PCSK5: variants seen among roughly 807,000 people sequenced by gnomAD.
The protein encoded by PCSK5 is prohormone convertase 5.
PCSK5 carries 129 observed loss-of-function variants against 233.2 expected under a neutral mutation model. The ratio of observed to expected loss-of-function variants is 0.55; its 90% CI spans 0.48 to 0.64. The LOEUF (loss-of-function observed/expected upper bound fraction) is 0.64, where lower values mean the gene tolerates loss of function less well. Ranked by LOEUF, PCSK5 falls within the 30% of genes least tolerant of loss-of-function variation. The pLI is 0.00. For missense variants in PCSK5, 2,076 were observed against 2,430.1 expected (o/e 0.85, Z 3.06); for synonymous variants, 825 against 879.2 (o/e 0.94, Z 1.09).
At chr9:76,024,192 A>G (rs1406798177) in intron 4 of PCSK5, among the ~76,000 whole-genome samples, 2 of 152,208 alleles carry the variant, frequency 1.3e-5, no homozygotes, top group African/African-American at 4.8e-5. Context: ...CCAGCCAGGC[A>G]GTACTCTTTG....
chr9:76,077,775 G>A (rs185185331), intron 7 of PCSK5, among the ~76,000 whole-genome samples: 1 of 152,288 alleles, frequency 6.6e-6, no homozygotes, highest in African/African-American at 2.4e-5. Context: ...CATGGTGTAT[G>A]TGTACCACAT....
chr9:76,223,721 G>A (rs1825799393), intron 20 of PCSK5, among the ~76,000 whole-genome samples: 1 of 152,180 alleles, frequency 6.6e-6, no homozygotes, highest in African/African-American at 2.4e-5. Context: ...TGTAGGATGA[G>A]GTGGAAAACA....
At chr9:76,093,474 T>A (rs1281161990) in intron 7 of PCSK5, among the ~76,000 whole-genome samples, 1 of 152,096 alleles carries the variant, frequency 6.6e-6, no homozygotes, top group Non-Finnish European at 1.5e-5. Flanking sequence ...CAAAAATGCT[T>A]CCTAAATATT....
chr9:76,295,221 G>T, intron 25 of PCSK5, 54 bp from the exon 26 acceptor site: 1 of 1,500,272 alleles, frequency 6.7e-7, no homozygotes. Flanking sequence ...AAATTATGGT[G>T]AAGAGAAATA....
intron 11 of PCSK5, 96 bp from the exon 12 acceptor site, chr9:76,158,887 T>G (rs1207363418): frequency 3.7e-5 from 37 of 1,006,500 alleles, no homozygotes; most frequent in Non-Finnish European, 5.6e-5. Flanking sequence ...TATCAGCTGC[T>G]TATCTTACAT....
intron 5 of PCSK5, among the ~76,000 whole-genome samples, chr9:76,050,954 G>A (rs567639569): frequency 6.6e-6 from 1 of 152,208 alleles, no homozygotes; most frequent in Non-Finnish European, 1.5e-5. Context: ...TGGTGGAGGG[G>A]GATATGACAG....
chr9:75,932,605 C>T (rs1203589684), intron 2 of PCSK5, 122 bp downstream of exon 2: 2 of 670,426 alleles, frequency 3.0e-6, no homozygotes, highest in African/African-American at 1.8e-5. Flanking sequence ...TCATATTATC[C>T]TTTGGTCTAG....
chr9:76,146,927 A>G (rs1381350672), intron 10 of PCSK5, among the ~76,000 whole-genome samples: 1 of 152,332 alleles, frequency 6.6e-6, no homozygotes, highest in Admixed American at 6.5e-5. Flanking sequence ...GCTACTGTGT[A>G]ATAAAATACA....
rs59248860 is a variant in PCSK5, at chr9:76,173,496, C to CTTTTTTTTTTTTTTTTTTT, written c.1757-1472_1757-1454dup. ...CTTTAATGAAATGGAGGCACGTTTC[C>CTTTTTTTTTTTTTTTTTTT]TTTTTTTTTTTTTTTTTTTTTTTTT... On this transcript the variant is annotated intron_variant, in intron 13 of 37. Coordinates refer to ENST00000674117, the MANE Select transcript of PCSK5 (RefSeq NM_001372043.1). 2.0e-3 allele frequency among the ~76,000 whole-genome samples: 124 copies of CTTTTTTTTTTTTTTTTTTT among 60,986 alleles called. 22 individuals are homozygous for CTTTTTTTTTTTTTTTTTTT. Among genetic ancestry groups the CTTTTTTTTTTTTTTTTTTT allele is most frequent in the Non-Finnish European group, 2.8e-3 (84 of 30,120 alleles). The allele number at this position is 60,986 out of a possible 152,430, so 40.0% of individuals were successfully genotyped here.
At position 76,240,652 on chromosome 9, in the gene PCSK5, C is replaced by A. The variant is rs774651462; in HGVS notation, c.3110C>A (p.Pro1037His). Residue 1037 changes from proline (P) to histidine (H), a missense_variant, in exon 24 of 38, where the codon CCT (proline) becomes CAT (histidine). Pro to His is a moderately conservative substitution (Grantham distance 77, BLOSUM62 -2). Transcript: ENST00000674117. ...GACCCAGACTATGAAGAATGTGTCCCTTGTGAAGAAGGATGTCTGGGATGC... is the reference window on the plus strand; with the variant it reads ...GACCCAGACTATGAAGAATGTGTCCATTGTGAAGAAGGATGTCTGGGATGC... ...VQDPDYEECV[P>H]CEEGCLGCSL... 2 of 1,582,210 alleles carry A rather than the reference C, an allele frequency of 1.3e-6. No homozygotes were observed. The highest frequency in any genetic ancestry group is 2.3e-5 in the East Asian group (1 of 44,076).
At position 76,096,190 on chromosome 9, in the gene PCSK5, T is replaced by TATATAC. The variant is rs368915212; in HGVS notation, c.1107+89_1107+90insTATACA. ...GGAGAACCATAAACATATATATATA[T>TATATAC]ACACACACACACACACACACACACA... On this transcript the variant is annotated intron_variant, in intron 8 of 37. Transcript: ENST00000674117. 6.8e-6 allele frequency: 4 copies of TATATAC among 591,572 alleles called. No individual in the cohort carries two copies. In the East Asian group the frequency reaches 1.2e-4, roughly 17 times the overall value. The allele number at this position is 591,572 out of a possible 1,614,324, so 36.6% of individuals were successfully genotyped here. A position where few individuals can be genotyped will look rare whatever the true frequency, so the allele number is the denominator to read the frequency against.
chr9:76,326,729 G>A (rs964614704), intron 32 of PCSK5, among the ~76,000 whole-genome samples: 4 of 152,180 alleles, frequency 2.6e-5, no homozygotes, highest in Non-Finnish European at 5.9e-5. Context: ...TTCAGGTCTG[G>A]GGAACAGCAG....
At position 76,332,902 on chromosome 9, in the gene PCSK5, C is replaced by T. The variant is rs530336303; in HGVS notation, c.4748+292C>T. On this transcript the variant is annotated intron_variant, in intron 34 of 37. Transcript: ENST00000674117. ...AATTCAAAGCATATTGGCAGCTGGGCACTGTGGCTCATGCCTGTAATCCCA... is the reference window on the plus strand; with the variant it reads ...AATTCAAAGCATATTGGCAGCTGGGTACTGTGGCTCATGCCTGTAATCCCA... Among the ~76,000 whole-genome samples, 33 of 152,342 alleles carry T rather than the reference C, an allele frequency of 2.2e-4. No individual in the cohort carries two copies. In the Middle Eastern group the frequency reaches 0.014, roughly 63 times the overall value.
chr9:75,986,559 C>G (rs951126806), intron 3 of PCSK5, among the ~76,000 whole-genome samples: 16 of 152,192 alleles, frequency 1.1e-4, no homozygotes, highest in African/African-American at 3.9e-4. Flanking sequence ...TGCACATACC[C>G]TTAGACCTAT....
chr9:76,300,749 G>T (rs201253953), intron 27 of PCSK5, among the ~76,000 whole-genome samples: 10 of 152,172 alleles, frequency 6.6e-5, no homozygotes, highest in Non-Finnish European at 1.5e-5. Flanking sequence ...GTGACCTTCA[G>T]TGAGTTACTC....
chr9:76,146,408 T>C (rs112513870), intron 10 of PCSK5, among the ~76,000 whole-genome samples: 2 of 152,054 alleles, frequency 1.3e-5, no homozygotes, highest in Non-Finnish European at 2.9e-5. Context: ...AAATCCCTGA[T>C]AGAAATGACT....
At chr9:76,004,937 G>GTGTC (rs1315066114) in intron 3 of PCSK5, among the ~76,000 whole-genome samples, 2 of 152,180 alleles carry the variant, frequency 1.3e-5, no homozygotes, top group East Asian at 3.9e-4. Flanking sequence ...GGTGAGAAGG[G>GTGTC]TGTCATTGGT....
chr9:76,163,352 A>C (rs1288795227), intron 12 of PCSK5, among the ~76,000 whole-genome samples: 1 of 152,200 alleles, frequency 6.6e-6, no homozygotes, highest in African/African-American at 2.4e-5. Context: ...TGTGAAGAAC[A>C]GCTGTTGGAG....
chr9:76,181,681 C>G, intron 16 of PCSK5, 90 bp downstream of exon 16: 1 of 820,190 alleles, frequency 1.2e-6, no homozygotes, highest in African/African-American at 1.7e-5. Flanking sequence ...TTTGTGAAAT[C>G]TGGAATTGTG....
Sources: allele counts gnomAD v4.1 joint callset (sites outside exome capture counted in the v4.1 genomes callset), GRCh38; gene constraint gnomAD v4.1.1; transcripts MANE v1.5; gene names NCBI Gene and HGNC (gene_info 2026-07-23, HGNC 2026-07-21).